EYS: variants seen among roughly 807,000 people sequenced by gnomAD.
EYS encodes EGF-like photoreceptor maintenance factor.
A neutral mutation model predicts 282.1 loss-of-function variants in EYS; 250 were observed. The observed-to-expected ratio is 0.89, with a 90% CI of 0.80 to 0.98. The LOEUF is 0.98. Ranked by LOEUF, EYS falls within the 50% of genes least tolerant of loss-of-function variation. The pLI is 0.00. For synonymous variants in EYS, 1,355 were observed against 1,282.9 expected, an observed-to-expected ratio of 1.06 and a Z score of -1.20; for missense variants, 4,016 against 3,709.0, an observed-to-expected ratio of 1.08 and a Z score of -2.15.
intron 29 of EYS, among the ~76,000 whole-genome samples, chr6:64,336,696 C>T (rs959968816): frequency 3.9e-5 from 6 of 152,062 alleles, no homozygotes; most frequent in African/African-American, 1.4e-4. Flanking sequence ...GCGCATGGAA[C>T]TTTCTCCAAG....
At chr6:65,384,301 T>C in intron 8 of EYS, 85 bp downstream of exon 8, 2 of 768,018 alleles carry the variant, frequency 2.6e-6, no homozygotes, top group Non-Finnish European at 4.6e-6. Context: ...TGGCTAAGAT[T>C]AATAAGAGCA....
At chr6:65,098,085 A>T (rs1774791118) in intron 12 of EYS, among the ~76,000 whole-genome samples, 2 of 150,784 alleles carry the variant, frequency 1.3e-5, no homozygotes, top group South Asian at 4.2e-4. Context: ...AGGGACAGTT[A>T]TCTCGGAGGT....
chr6:64,221,012 T>C (rs2150333150), intron 31 of EYS, among the ~76,000 whole-genome samples: 1 of 152,266 alleles, frequency 6.6e-6, no homozygotes, highest in Middle Eastern at 3.4e-3. Context: ...TTGAGTTGGT[T>C]TCTATAACTT....
chr6:64,858,446 T>C (rs1349696689), intron 19 of EYS, among the ~76,000 whole-genome samples: 1 of 152,066 alleles, frequency 6.6e-6, no homozygotes, highest in East Asian at 1.9e-4. Flanking sequence ...TCCTGTTCCA[T>C]TGGTTGATGT....
chr6:64,979,055 T>C (rs114514984), intron 14 of EYS, among the ~76,000 whole-genome samples: 1 of 151,850 alleles, frequency 6.6e-6, no homozygotes, highest in Admixed American at 6.6e-5. Flanking sequence ...TTTCAGAAGA[T>C]TTACTTCAAC....
chr6:64,287,282 A>G (rs1169779627), intron 30 of EYS, among the ~76,000 whole-genome samples: 1 of 152,136 alleles, frequency 6.6e-6, no homozygotes, highest in African/African-American at 2.4e-5. Context: ...GATTCAGAAA[A>G]CAGCCATTAT....
chr6:64,054,665 C>T (rs1437730557), intron 33 of EYS, among the ~76,000 whole-genome samples: 1 of 152,008 alleles, frequency 6.6e-6, no homozygotes, highest in Non-Finnish European at 1.5e-5. Flanking sequence ...AGTAAAATGG[C>T]CTAGGTAGTA....
intron 31 of EYS, among the ~76,000 whole-genome samples, chr6:64,204,779 G>T (rs1765567646): frequency 6.6e-6 from 1 of 152,108 alleles, no homozygotes; most frequent in South Asian, 2.1e-4. Flanking sequence ...TTAAGTTCAT[G>T]CATTTGTTGA....
At chr6:64,128,736 AC>A (rs1186016224) in intron 31 of EYS, among the ~76,000 whole-genome samples, 1 of 152,336 alleles carries the variant, frequency 6.6e-6, no homozygotes, top group East Asian at 1.9e-4. Context: ...AATAAACAGT[AC>A]TTATTCATTC....
chr6:65,532,354 C>G (rs777980530), intron 2 of EYS, among the ~76,000 whole-genome samples: 2 of 151,942 alleles, frequency 1.3e-5, no homozygotes, highest in Non-Finnish European at 2.9e-5. Context: ...TTTCTTTGAT[C>G]CAAAATTGTT....
chr6:65,389,780 T>C (rs943209226), intron 7 of EYS, among the ~76,000 whole-genome samples: 12 of 152,084 alleles, frequency 7.9e-5, no homozygotes, highest in Admixed American at 1.3e-4. Context: ...TTTGAGCTTC[T>C]ATATTAGATA....
intron 12 of EYS, among the ~76,000 whole-genome samples, chr6:65,263,143 C>A (rs1321951615): frequency 6.6e-6 from 1 of 151,974 alleles, no homozygotes. Flanking sequence ...GAGTTCCAGA[C>A]CAGCCTGAGG....
At chr6:64,719,662 C>T (rs907343345) in intron 22 of EYS, among the ~76,000 whole-genome samples, 2 of 152,070 alleles carry the variant, frequency 1.3e-5, no homozygotes, top group Non-Finnish European at 2.9e-5. Context: ...GTATATACTT[C>T]GGGAGGCTGA....
At chr6:64,097,631 A>G (rs535687312) in intron 31 of EYS, among the ~76,000 whole-genome samples, 2 of 152,186 alleles carry the variant, frequency 1.3e-5, no homozygotes, top group South Asian at 2.1e-4. Context: ...GAGTGACCCA[A>G]TTTTCCAGGT....
chr6:64,729,969 T>C (rs1771903292), intron 22 of EYS, among the ~76,000 whole-genome samples: 1 of 152,110 alleles, frequency 6.6e-6, no homozygotes, highest in Non-Finnish European at 1.5e-5. Flanking sequence ...AAGCATCCAG[T>C]GAGAAAATAT....
At chr6:65,180,989 A>G (rs998938148) in intron 12 of EYS, among the ~76,000 whole-genome samples, 1 of 152,166 alleles carries the variant, frequency 6.6e-6, no homozygotes, top group African/African-American at 2.4e-5. Flanking sequence ...GGTGCCGGGA[A>G]AACTGGCTAG....
rs138973596 is a variant in EYS at position 65,214,822 on chromosome 6, G to A, written c.2023+81041C>T. On this transcript the variant is annotated intron_variant, in intron 12 of 42. Transcript: ENST00000503581. ...CAATTTGAAGCCAATTCAGAATACC[G>A]TTCTGAAAACCCTGGGGGCCTTGAA... Among the ~76,000 whole-genome samples the A allele has an allele frequency of 4.3e-3, 660 of 152,194 alleles. 3 individuals carry two copies. The highest frequency in any genetic ancestry group is 0.015 in the African/African-American group (605 of 41,544).
At chr6:64,081,075 T>G (rs1326286504) in intron 32 of EYS, among the ~76,000 whole-genome samples, 1 of 152,114 alleles carries the variant, frequency 6.6e-6, no homozygotes, top group Non-Finnish European at 1.5e-5. Flanking sequence ...TTAAAGTAGT[T>G]TTTTCTAATT....
rs671514 is a variant in EYS at position 64,371,017 on chromosome 6, A to C, written c.6078+17673T>G. ...GGTTTTTTGAATCTTACTTTCCTTC[A>C]ATTTAGCTATGATTTGGGTTATTTC... On this transcript the variant is annotated intron_variant, in intron 29 of 42. Transcript: ENST00000503581. 3.1e-3 allele frequency among the ~76,000 whole-genome samples: 470 copies of C among 151,846 alleles called. 4 individuals are homozygous for C. Among genetic ancestry groups the C allele is most frequent in the African/African-American group, 0.01 (432 of 41,432 alleles).
Sources: gnomAD v4.1 joint callset for allele counts (sites outside exome capture counted in the v4.1 genomes callset) on GRCh38, gnomAD v4.1.1 for gene constraint, MANE v1.5 for transcripts, NCBI Gene and HGNC (gene_info 2026-07-23, HGNC 2026-07-21) for gene names.